The following CNST variants were observed in gnomAD, a reference collection of about 807,000 sequenced individuals.
CNST encodes the protein consortin.
Under a neutral mutation model 72.4 loss-of-function variants are expected in CNST, and 39 were observed. The ratio of observed to expected loss-of-function variants is 0.54; its 90% CI spans 0.42 to 0.70. The LOEUF is 0.70. Among genes scored for constraint, CNST ranks in the 30% least tolerant of loss-of-function variants. The pLI is 0.00. For missense variants in CNST, 871 were observed against 868.5 expected, an observed-to-expected ratio of 1.00 and a Z score of -0.04; for synonymous variants, 332 against 320.1, an observed-to-expected ratio of 1.04 and a Z score of -0.40.
chr1:246,664,014 C>T (rs1238271123), intron 10 of CNST, among the ~76,000 whole-genome samples: 4 of 152,116 alleles, frequency 2.6e-5, no homozygotes, highest in South Asian at 4.2e-4. Flanking sequence ...TATTTGGTAT[C>T]CATTAGGTTT....
chr1:246,591,392 G>A, intron 1 of CNST, 120 bp from the exon 2 acceptor site: 3 of 724,708 alleles, frequency 4.1e-6, no homozygotes, highest in Non-Finnish European at 6.7e-6. Context: ...ATGAACTTAA[G>A]TCATTTCCTT....
chr1:246,644,547 G>A (rs560962267), intron 8 of CNST, among the ~76,000 whole-genome samples: 1 of 152,264 alleles, frequency 6.6e-6, no homozygotes, highest in South Asian at 2.1e-4. Flanking sequence ...CTCCTGGTTG[G>A]AGTTAGCTGG....
At chr1:246,576,103 C>T (rs1165607883) in intron 1 of CNST, among the ~76,000 whole-genome samples, 11 of 148,282 alleles carry the variant, frequency 7.4e-5, no homozygotes, top group Non-Finnish European at 1.5e-4. Context: ...GGCATGGTGG[C>T]GGGCGCCTGT....
At chr1:246,622,874 A>T (rs1664182346) in intron 3 of CNST, among the ~76,000 whole-genome samples, 1 of 152,084 alleles carries the variant, frequency 6.6e-6, no homozygotes, top group African/African-American at 2.4e-5. Context: ...CCCAGGCTGG[A>T]GTGCAGCGGC....
intron 9 of CNST, among the ~76,000 whole-genome samples, chr1:246,656,748 C>CAA (rs1159509006): frequency 6.6e-6 from 1 of 151,906 alleles, no homozygotes; most frequent in Non-Finnish European, 1.5e-5. Context: ...GGCAACACAG[C>CAA]AAAACCCTGT....
At chr1:246,619,868 G>A (rs375620608) in intron 2 of CNST, among the ~76,000 whole-genome samples, 1 of 150,446 alleles carries the variant, frequency 6.6e-6, no homozygotes, top group Non-Finnish European at 1.5e-5. Context: ...TACACACGAT[G>A]GGCTCTGGGC....
intron 5 of CNST, 176 bp downstream of exon 5, chr1:246,634,186 T>A (rs1302946790): frequency 5.3e-6 from 3 of 567,816 alleles, no homozygotes; most frequent in Non-Finnish European, 9.3e-6. Context: ...GTGAGAAGAC[T>A]TTTTTCTTTG....
intron 2 of CNST, among the ~76,000 whole-genome samples, chr1:246,615,600 C>T (rs1031441684): frequency 4.1e-5 from 6 of 147,296 alleles, no homozygotes; most frequent in African/African-American, 7.5e-5. Context: ...ATCTCTGGGC[C>T]GGGCACGGTG....
At chr1:246,575,982 C>T (rs1384971690) in intron 1 of CNST, among the ~76,000 whole-genome samples, 1 of 151,216 alleles carries the variant, frequency 6.6e-6, no homozygotes, top group Non-Finnish European at 1.5e-5. Context: ...CGCCTGTAAT[C>T]CCAGCACTTT....
intron 9 of CNST, among the ~76,000 whole-genome samples, chr1:246,656,290 T>G (rs1666764875): frequency 6.6e-6 from 1 of 152,122 alleles, no homozygotes; most frequent in Non-Finnish European, 1.5e-5. Context: ...TCCAGAAGAG[T>G]TGCGAATAAT....
At chr1:246,629,825 AG>A (rs1178743331) in intron 3 of CNST, among the ~76,000 whole-genome samples, 1 of 152,126 alleles carries the variant, frequency 6.6e-6, no homozygotes, top group African/African-American at 2.4e-5. Context: ...TCTACCTCCC[AG>A]GTTCAAGTGA....
Position 246,647,595 on chromosome 1 carries a change from G to C in CNST, c.1394G>C (p.Arg465Pro), listed in dbSNP as rs370985323. The part of the protein sequence containing the change: ...AQRKELRLPL[R>P]DASEALPTDQ... ...AGGAAAGAACTCCGTTTGCCACTTC[G>C]GGATGCTTCTGAGGCGTTGCCCACA... The change falls in exon 9 of 11, where the codon CGG becomes CCG. Residue 465 changes from arginine (R) to proline (P), a missense_variant. Physicochemically the swap from Arg to Pro is moderately radical, Grantham distance 103 (BLOSUM62 -2). Transcript: ENST00000366513. 2.5e-6 allele frequency: 4 copies of C among 1,614,054 alleles called. No individual in the cohort carries two copies. The highest frequency in any genetic ancestry group is 2.7e-5 in the African/African-American group (2 of 74,928).
chr1:246,662,393 G>T (rs1183906007), intron 10 of CNST, among the ~76,000 whole-genome samples: 1 of 152,042 alleles, frequency 6.6e-6, no homozygotes, highest in East Asian at 1.9e-4. Context: ...TTTTTTATTT[G>T]ATTTTATTTT....
intron 2 of CNST, among the ~76,000 whole-genome samples, chr1:246,615,426 C>T (rs767138975): frequency 3.3e-5 from 5 of 151,942 alleles, no homozygotes; most frequent in South Asian, 2.1e-4. Context: ...CCGCCTGCCT[C>T]GGCCTCCCAA....
intron 2 of CNST, among the ~76,000 whole-genome samples, chr1:246,619,810 A>G (rs557110669): frequency 3.9e-5 from 6 of 152,118 alleles, no homozygotes; most frequent in African/African-American, 1.2e-4. Context: ...AGTAGAAGGC[A>G]GGGCTCTGGG....
chr1:246,643,141 C>T (rs1216808334), intron 8 of CNST, among the ~76,000 whole-genome samples: 5 of 151,928 alleles, frequency 3.3e-5, no homozygotes, highest in African/African-American at 4.8e-5. Flanking sequence ...ATCCTCTCAC[C>T]TCAGCCCCAC....
At chr1:246,651,741 TA>T (rs1053821163) in intron 9 of CNST, among the ~76,000 whole-genome samples, 4 of 152,190 alleles carry the variant, frequency 2.6e-5, no homozygotes, top group African/African-American at 7.2e-5. Flanking sequence ...CTTTCTTACA[TA>T]AAAAATAGCA....
intron 3 of CNST, among the ~76,000 whole-genome samples, chr1:246,629,171 T>C (rs1461459013): frequency 6.6e-6 from 1 of 152,164 alleles, no homozygotes; most frequent in Non-Finnish European, 1.5e-5. Flanking sequence ...AGATGCGAAA[T>C]GACGTGTCCA....
At position 246,626,451 on chromosome 1, in the gene CNST, C is replaced by CTTTTTT. The variant is rs74163468; in HGVS notation, c.585+4836_585+4841dup. ...TTTCATCCAATCCTGTAGGTTTGTC[C>CTTTTTT]TTTTTTTTTTTTTTTTTTTTTTTTG... On this transcript the variant is annotated intron_variant, in intron 3 of 10. Transcript: ENST00000366513. Among the ~76,000 whole-genome samples the CTTTTTT allele has an allele frequency of 1.0e-3, 81 of 79,952 alleles. 1 individual carries two copies. The highest frequency in any genetic ancestry group is 1.3e-3 in the Non-Finnish European group (56 of 44,144). 52.5% of individuals were successfully genotyped at this position (79,952 alleles called of 152,430 possible). A position where few individuals can be genotyped will look rare whatever the true frequency, so the allele number is the denominator to read the frequency against.
Sources: gnomAD v4.1 joint callset for allele counts (sites outside exome capture counted in the v4.1 genomes callset) on GRCh38, gnomAD v4.1.1 for gene constraint, MANE v1.5 for transcripts, NCBI Gene and HGNC (gene_info 2026-07-23, HGNC 2026-07-21) for gene names.